The following RPRD2 variants were observed in gnomAD, a reference collection of about 807,000 sequenced individuals.
RPRD2 encodes regulation of nuclear pre-mRNA domain containing 2.
Under a neutral mutation model 104.4 loss-of-function variants are expected in RPRD2, and 12 were observed. The observed-to-expected ratio is 0.11, with a 90% CI of 0.07 to 0.19. The LOEUF is 0.19. Among genes scored for constraint, RPRD2 ranks in the 10% least tolerant of loss-of-function variants. The probability of loss-of-function intolerance (pLI) is 1.00; values close to 1 mark genes in which losing one functional copy is unlikely to be tolerated. For synonymous variants in RPRD2, 714 were observed against 684.9 expected, an observed-to-expected ratio of 1.04 and a Z score of -0.66; for missense variants, 1,543 against 1,790.1, an observed-to-expected ratio of 0.86 and a Z score of 2.49.
chr1:150,423,459 A>G (rs1481500814), intron 2 of RPRD2, among the ~76,000 whole-genome samples: 2 of 152,158 alleles, frequency 1.3e-5, no homozygotes, highest in South Asian at 2.1e-4. Context: ...GTGCTTATAC[A>G]TTTTCATCTT....
At chr1:150,439,970 CTT>C (rs782612215) in intron 2 of RPRD2, among the ~76,000 whole-genome samples, 1 of 147,660 alleles carries the variant, frequency 6.8e-6, no homozygotes, top group African/African-American at 2.5e-5. Flanking sequence ...TACTTTAACA[CTT>C]TTTTTTTTTG....
intron 10 of RPRD2, among the ~76,000 whole-genome samples, chr1:150,468,119 C>T (rs184747753): frequency 2.6e-5 from 4 of 151,940 alleles, no homozygotes; most frequent in Admixed American, 1.3e-4. Flanking sequence ...CCAGCCTGGG[C>T]GACGAGCAAA....
chr1:150,426,346 T>C (rs1665123251), intron 2 of RPRD2, among the ~76,000 whole-genome samples: 1 of 152,190 alleles, frequency 6.6e-6, no homozygotes, highest in Non-Finnish European at 1.5e-5. Context: ...ACTTGCAAGG[T>C]TGCCTGGGTT....
intron 1 of RPRD2, among the ~76,000 whole-genome samples, chr1:150,394,629 TC>T (rs1662349766): frequency 6.6e-6 from 1 of 152,256 alleles, no homozygotes; most frequent in South Asian, 2.1e-4. Flanking sequence ...TCTTGCTCTG[TC>T]GCCCAGGCTG....
chr1:150,386,850 T>A (rs1265928625), intron 1 of RPRD2, among the ~76,000 whole-genome samples: 1 of 152,184 alleles, frequency 6.6e-6, no homozygotes, highest in African/African-American at 2.4e-5. Context: ...GCTACAAAAT[T>A]ATTACAGTAT....
chr1:150,457,599 T>A, intron 8 of RPRD2, 29 bp downstream of exon 8: 1 of 1,594,072 alleles, frequency 6.3e-7, no homozygotes, highest in East Asian at 2.2e-5. Context: ...AATAGACAAC[T>A]TATTCCTTAT....
At chr1:150,395,513 CTT>C (rs71086506) in intron 1 of RPRD2, among the ~76,000 whole-genome samples, 14 of 131,606 alleles carry the variant, frequency 1.1e-4, no homozygotes, top group South Asian at 2.4e-4. Context: ...ATGCAAATAT[CTT>C]TTTTTTTTTT....
intron 1 of RPRD2, among the ~76,000 whole-genome samples, chr1:150,368,151 C>G (rs1553877500): frequency 6.7e-6 from 1 of 149,482 alleles, no homozygotes; most frequent in Non-Finnish European, 1.5e-5. Context: ...TTGTTTAGAT[C>G]AAATCTCAAC....
At chr1:150,375,943 T>C (rs1428189376) in intron 1 of RPRD2, among the ~76,000 whole-genome samples, 5 of 152,204 alleles carry the variant, frequency 3.3e-5, no homozygotes, top group Non-Finnish European at 7.3e-5. Flanking sequence ...CGTAGTGATT[T>C]CAAATTCCAC....
chr1:150,436,418 C>T (rs1158762010), intron 2 of RPRD2, among the ~76,000 whole-genome samples: 1 of 151,090 alleles, frequency 6.6e-6, no homozygotes, highest in Non-Finnish European at 1.5e-5. Context: ...TGGCTAACAC[C>T]GTGAAACCCC....
intron 2 of RPRD2, among the ~76,000 whole-genome samples, chr1:150,428,062 A>G (rs868979151): frequency 2.0e-5 from 3 of 152,188 alleles, no homozygotes; most frequent in Non-Finnish European, 4.4e-5. Context: ...AAAAGATAAC[A>G]TAAAACTAAA....
intron 1 of RPRD2, among the ~76,000 whole-genome samples, chr1:150,376,027 T>C (rs1553879395): frequency 6.6e-6 from 1 of 152,246 alleles, no homozygotes; most frequent in Non-Finnish European, 1.5e-5. Context: ...AACCTAGTTA[T>C]TCCTTTTGAG....
chr1:150,407,219 G>A (rs1553886732), intron 1 of RPRD2, among the ~76,000 whole-genome samples: 1 of 152,152 alleles, frequency 6.6e-6, no homozygotes, highest in East Asian at 1.9e-4. Context: ...CTCATCAGAG[G>A]AGTTTAAGGT....
At chr1:150,458,183 A>C (rs1553898064) in intron 8 of RPRD2, among the ~76,000 whole-genome samples, 1 of 151,300 alleles carries the variant, frequency 6.6e-6, no homozygotes, top group Non-Finnish European at 1.5e-5. Context: ...GGCCAGGTGC[A>C]GTGGCTCATG....
At chr1:150,425,936 C>G (rs1553890474) in intron 2 of RPRD2, among the ~76,000 whole-genome samples, 1 of 151,674 alleles carries the variant, frequency 6.6e-6, no homozygotes, top group East Asian at 1.9e-4. Context: ...CATAGGGAGA[C>G]CTCATCTCTA....
intron 1 of RPRD2, among the ~76,000 whole-genome samples, chr1:150,403,008 C>T (rs1311318018): frequency 6.6e-6 from 1 of 151,684 alleles, no homozygotes; most frequent in Non-Finnish European, 1.5e-5. Context: ...TTCAGAAAAG[C>T]AAAGAAAATG....
chr1:150,420,250 T>C (rs587743167), intron 2 of RPRD2, among the ~76,000 whole-genome samples: 1 of 152,338 alleles, frequency 6.6e-6, no homozygotes, highest in South Asian at 2.1e-4. Context: ...CCAACCTTTT[T>C]TTTTTAAACC....
intron 4 of RPRD2, 106 bp downstream of exon 4, chr1:150,442,064 GT>G: frequency 1.4e-6 from 1 of 695,734 alleles, no homozygotes; most frequent in Non-Finnish European, 2.3e-6. Flanking sequence ...GGGCAAGCCT[GT>G]TTTCCAGGTC....
chr1:150,388,790 A>G (rs1242262549), intron 1 of RPRD2, among the ~76,000 whole-genome samples: 6 of 152,016 alleles, frequency 3.9e-5, no homozygotes, highest in African/African-American at 1.4e-4. Context: ...TATTTTTAGT[A>G]GAGGCGGGGT....
Sources: allele counts gnomAD v4.1 joint callset (sites outside exome capture counted in the v4.1 genomes callset), GRCh38; gene constraint gnomAD v4.1.1; transcripts MANE v1.5; gene names NCBI Gene and HGNC (gene_info 2026-07-23, HGNC 2026-07-21).